Variants in PACRG observed in about 807,000 individuals in gnomAD.
PACRG encodes parkin coregulated gene protein.
A neutral mutation model predicts 29.7 loss-of-function variants in PACRG; 29 were observed. The ratio of observed to expected loss-of-function variants is 0.98; its 90% CI spans 0.73 to 1.33. PACRG has a LOEUF of 1.33. Ranked by LOEUF, PACRG falls within the 40% of genes most tolerant of loss-of-function variation. The probability of loss-of-function intolerance (pLI) is 0.00; values close to 1 mark genes in which losing one functional copy is unlikely to be tolerated. For synonymous variants in PACRG, 116 were observed against 118.7 expected (o/e 0.98, Z 0.15); for missense variants, 279 against 316.2 (o/e 0.88, Z 0.89).
intron 2 of PACRG, among the ~76,000 whole-genome samples, chr6:162,876,996 A>C (rs1343409945): frequency 6.6e-6 from 1 of 152,192 alleles, no homozygotes; most frequent in Admixed American, 6.5e-5. Flanking sequence ...TGGGAGTGTA[A>C]ATTAGTTCAA....
chr6:162,787,578 G>GTATA (rs1408657404), intron 1 of PACRG, among the ~76,000 whole-genome samples: 6 of 51,450 alleles, frequency 1.2e-4, no homozygotes, highest in African/African-American at 5.1e-4. Flanking sequence ...GTGTGTGTGT[G>GTATA]TGTGTATATA....
chr6:163,239,926 AAC>A (rs1461780925), intron 4 of PACRG, among the ~76,000 whole-genome samples: 1 of 117,078 alleles, frequency 8.5e-6, no homozygotes, highest in Non-Finnish European at 1.8e-5. Flanking sequence ...TTCCATCCAT[AAC>A]ACACTCACAC....
At chr6:163,070,359 T>C (rs555542658) in intron 3 of PACRG, among the ~76,000 whole-genome samples, 77 of 151,968 alleles carry the variant, frequency 5.1e-4, no homozygotes, top group African/African-American at 1.8e-3. Context: ...TTTCAAGACA[T>C]AGACAGTATA....
intron 2 of PACRG, among the ~76,000 whole-genome samples, chr6:162,979,319 T>G (rs1415262345): frequency 7.2e-5 from 11 of 152,192 alleles, no homozygotes; most frequent in African/African-American, 2.7e-4. Flanking sequence ...TGGCCATTTG[T>G]ATGTCTTCTT....
intron 1 of PACRG, among the ~76,000 whole-genome samples, chr6:162,775,859 G>A (rs574761723): frequency 6.6e-6 from 1 of 152,210 alleles, no homozygotes; most frequent in African/African-American, 2.4e-5. Flanking sequence ...CATTTTAAAC[G>A]ATGAGGAAAC....
intron 2 of PACRG, among the ~76,000 whole-genome samples, chr6:163,054,827 C>T (rs569835646): frequency 2.6e-5 from 4 of 152,244 alleles, no homozygotes; most frequent in Admixed American, 6.5e-5. Context: ...TGGTGTGAAC[C>T]TGTGTGGCTC....
At chr6:162,800,122 TC>T (rs1785734176) in intron 1 of PACRG, among the ~76,000 whole-genome samples, 1 of 152,208 alleles carries the variant, frequency 6.6e-6, no homozygotes, top group Non-Finnish European at 1.5e-5. Flanking sequence ...CTGATGACTC[TC>T]GGAGACAAGT....
At chr6:162,799,084 C>A (rs1785623137) in intron 1 of PACRG, among the ~76,000 whole-genome samples, 1 of 151,338 alleles carries the variant, frequency 6.6e-6, no homozygotes, top group Non-Finnish European at 1.5e-5. Context: ...CCAAGTCAGA[C>A]TTGTTGATGG....
At chr6:162,826,646 A>G (rs1364676069) in intron 2 of PACRG, among the ~76,000 whole-genome samples, 1 of 151,906 alleles carries the variant, frequency 6.6e-6, no homozygotes, top group African/African-American at 2.4e-5. Flanking sequence ...TATTTTTAGT[A>G]GAGACGGGGT....
intron 3 of PACRG, 147 bp downstream of exon 3, chr6:163,062,468 C>A: frequency 2.2e-6 from 2 of 906,000 alleles, no homozygotes; most frequent in Non-Finnish European, 3.2e-6. Context: ...CCAGACAACC[C>A]AAATCTCCAA....
At chr6:162,763,626 G>T (rs904952972) in intron 1 of PACRG, among the ~76,000 whole-genome samples, 4 of 152,168 alleles carry the variant, frequency 2.6e-5, no homozygotes, top group Non-Finnish European at 5.9e-5. Context: ...GCTAATAATT[G>T]TGTATTAACT....
chr6:163,260,920 C>A (rs976449306), intron 4 of PACRG, among the ~76,000 whole-genome samples: 7 of 151,980 alleles, frequency 4.6e-5, no homozygotes, highest in South Asian at 2.1e-4. Flanking sequence ...AGATGCTATT[C>A]GAATCTAGGA....
intron 4 of PACRG, among the ~76,000 whole-genome samples, chr6:163,306,302 T>C (rs896868005): frequency 6.6e-6 from 1 of 152,210 alleles, no homozygotes; most frequent in African/African-American, 2.4e-5. Flanking sequence ...CCCCGAATCA[T>C]GTTGGCCAAT....
At chr6:162,860,296 A>G (rs1214636478) in intron 2 of PACRG, among the ~76,000 whole-genome samples, 1 of 152,198 alleles carries the variant, frequency 6.6e-6, no homozygotes, top group East Asian at 1.9e-4. Context: ...GGAGTAATTT[A>G]AAGTTAAAAG....
At chr6:162,979,698 G>T (rs1802247730) in intron 2 of PACRG, among the ~76,000 whole-genome samples, 1 of 151,784 alleles carries the variant, frequency 6.6e-6, no homozygotes. Context: ...TTGAAATGTT[G>T]GTATAATTTT....
chr6:163,257,581 T>C (rs969691939), intron 4 of PACRG, among the ~76,000 whole-genome samples: 7 of 152,236 alleles, frequency 4.6e-5, no homozygotes, highest in Non-Finnish European at 8.8e-5. Context: ...AAATATCTCA[T>C]AGAGTTAATC....
intron 4 of PACRG, among the ~76,000 whole-genome samples, chr6:163,140,930 T>C (rs900146980): frequency 1.3e-5 from 2 of 152,180 alleles, no homozygotes; most frequent in South Asian, 4.1e-4. Flanking sequence ...AACGGCATCA[T>C]GATGGGAGAG....
At chr6:162,956,897 T>C (rs1800089451) in intron 2 of PACRG, among the ~76,000 whole-genome samples, 1 of 152,186 alleles carries the variant, frequency 6.6e-6, no homozygotes, top group African/African-American at 2.4e-5. Flanking sequence ...TAACCTATTA[T>C]CAGTTTTCTG....
At chr6:163,214,840 C>A (rs1282623870) in intron 4 of PACRG, among the ~76,000 whole-genome samples, 1 of 152,026 alleles carries the variant, frequency 6.6e-6, no homozygotes, top group African/African-American at 2.4e-5. Context: ...GGTTAGGATC[C>A]TCGTCTTATT....
Sources: gnomAD v4.1 joint callset for allele counts (sites outside exome capture counted in the v4.1 genomes callset) on GRCh38, gnomAD v4.1.1 for gene constraint, MANE v1.5 for transcripts, NCBI Gene and HGNC (gene_info 2026-07-23, HGNC 2026-07-21) for gene names.